LDAH: variants seen among roughly 807,000 people sequenced by gnomAD.
LDAH encodes lipid droplet-associated hydrolase.
Under a neutral mutation model 29.6 loss-of-function variants are expected in LDAH, and 26 were observed. The ratio of observed to expected loss-of-function variants is 0.88; its 90% CI spans 0.64 to 1.22. The LOEUF (loss-of-function observed/expected upper bound fraction) is 1.22, where lower values mean the gene tolerates loss of function less well. Among genes scored for constraint, LDAH ranks in the 50% most tolerant of loss-of-function variants. The pLI, the probability that LDAH is intolerant of heterozygous loss-of-function variation, is 0.00. For missense variants in LDAH, 344 were observed against 387.3 expected, an observed-to-expected ratio of 0.89 and a Z score of 0.94; for synonymous variants, 117 against 133.0, an observed-to-expected ratio of 0.88 and a Z score of 0.83.
At chr2:20,687,372 G>C (rs1172194055) in intron 6 of LDAH, among the ~76,000 whole-genome samples, 1 of 152,234 alleles carries the variant, frequency 6.6e-6, no homozygotes, top group Admixed American at 6.5e-5. Context: ...GGAAAGTTTT[G>C]TGTACTAAGG....
intron 2 of LDAH, among the ~76,000 whole-genome samples, chr2:20,794,350 C>A (rs1350800836): frequency 6.6e-6 from 1 of 152,082 alleles, no homozygotes; most frequent in Admixed American, 6.6e-5. Context: ...GGGGACACAG[C>A]CAAACCATAT....
At chr2:20,767,886 A>G (rs1194312353) in intron 4 of LDAH, among the ~76,000 whole-genome samples, 5 of 152,154 alleles carry the variant, frequency 3.3e-5, no homozygotes, top group Non-Finnish European at 7.4e-5. Flanking sequence ...CAAGAGATCC[A>G]GACAAAGGGA....
At chr2:20,725,686 T>C (rs1665966393) in intron 5 of LDAH, among the ~76,000 whole-genome samples, 1 of 152,246 alleles carries the variant, frequency 6.6e-6, no homozygotes, top group African/African-American at 2.4e-5. Flanking sequence ...ATGGCTTTTC[T>C]CTATTCCTCA....
At chr2:20,821,431 C>T (rs533472803) in intron 1 of LDAH, among the ~76,000 whole-genome samples, 1 of 152,282 alleles carries the variant, frequency 6.6e-6, no homozygotes, top group Admixed American at 6.5e-5. Flanking sequence ...GGATACTATG[C>T]AGCCATAAAA....
At chr2:20,683,108 T>C (rs1428607148), downstream of LDAH, among the ~76,000 whole-genome samples, 1 of 152,174 alleles carries the variant, frequency 6.6e-6, no homozygotes, top group Non-Finnish European at 1.5e-5. Context: ...TTGACCCTCG[T>C]TCGTGCTCTG....
chr2:20,819,201 G>C (rs931691302), intron 1 of LDAH, among the ~76,000 whole-genome samples: 1 of 147,120 alleles, frequency 6.8e-6, no homozygotes, highest in Non-Finnish European at 1.5e-5. Flanking sequence ...AAACTTTCTT[G>C]TAATTACACA....
chr2:20,740,277 T>C (rs1042542319), intron 4 of LDAH, 72 bp from the exon 5 acceptor site: 1 of 993,430 alleles, frequency 1.0e-6, no homozygotes, highest in Non-Finnish European at 1.6e-6. Flanking sequence ...GTCTCTTCTA[T>C]ATAGTAATGA....
At chr2:20,731,245 G>C (rs1056731884) in intron 5 of LDAH, among the ~76,000 whole-genome samples, 1 of 152,126 alleles carries the variant, frequency 6.6e-6, no homozygotes, top group African/African-American at 2.4e-5. Context: ...TGAATCATGG[G>C]GATGGTTTCT....
intron 3 of LDAH, among the ~76,000 whole-genome samples, chr2:20,778,319 T>A (rs1390466656): frequency 6.6e-6 from 1 of 152,156 alleles, no homozygotes; most frequent in African/African-American, 2.4e-5. Flanking sequence ...AGAGTTTATT[T>A]CAAAAGGTAC....
intron 5 of LDAH, among the ~76,000 whole-genome samples, chr2:20,708,633 A>C (rs1388743700): frequency 6.6e-6 from 1 of 152,244 alleles, no homozygotes; most frequent in Non-Finnish European, 1.5e-5. Flanking sequence ...ATACATGTGC[A>C]AAAGAAGGAA....
chr2:20,777,477 T>C (rs1241779341), intron 3 of LDAH, among the ~76,000 whole-genome samples: 1 of 152,180 alleles, frequency 6.6e-6, no homozygotes, highest in East Asian at 1.9e-4. Flanking sequence ...CAGGCTGGAA[T>C]GCAGTAGCAC....
Position 20,802,000 on chromosome 2 carries a change from A to G in LDAH, c.-2-535T>C, listed in dbSNP as rs144204160. 9.1e-3 allele frequency among the ~76,000 whole-genome samples: 1,375 copies of G among 151,276 alleles called. 22 individuals carry two copies. Among genetic ancestry groups the G allele is most frequent in the African/African-American group, 0.029 (1,199 of 41,080 alleles). ...TGTATGTATGAATATGTGTGTATAT[A>G]TATGTATATATACATATACATACAT... On this transcript the variant is annotated intron_variant, in intron 1 of 6. Coordinates refer to ENST00000237822, the MANE Select transcript of LDAH (RefSeq NM_021925.4).
intron 3 of LDAH, among the ~76,000 whole-genome samples, chr2:20,775,909 C>T (rs1437059027): frequency 1.3e-5 from 2 of 152,162 alleles, no homozygotes; most frequent in African/African-American, 2.4e-5. Flanking sequence ...TGTCCTGTGA[C>T]TAGTACACAG....
intron 5 of LDAH, among the ~76,000 whole-genome samples, chr2:20,733,397 ATTT>A (rs34191708): frequency 8.9e-6 from 1 of 111,900 alleles, no homozygotes; most frequent in Non-Finnish European, 1.8e-5. Context: ...ATGCCTGGCT[ATTT>A]TTTTTTTTTT....
intron 4 of LDAH, among the ~76,000 whole-genome samples, chr2:20,768,025 C>T (rs2124989720): frequency 6.6e-6 from 1 of 152,264 alleles, no homozygotes; most frequent in East Asian, 1.9e-4. Flanking sequence ...GACACCCTGG[C>T]TACACAGAGG....
intron 2 of LDAH, among the ~76,000 whole-genome samples, chr2:20,796,537 G>C (rs2125091678): frequency 6.6e-6 from 1 of 152,232 alleles, no homozygotes; most frequent in East Asian, 1.9e-4. Context: ...AATCCAGTTG[G>C]ACTGACTGAG....
chr2:20,736,696 A>G (rs1254254763), intron 5 of LDAH, among the ~76,000 whole-genome samples: 5 of 152,144 alleles, frequency 3.3e-5, no homozygotes, highest in African/African-American at 1.2e-4. Context: ...TCTCTGTACC[A>G]TGAAGGATGA....
intron 4 of LDAH, among the ~76,000 whole-genome samples, chr2:20,756,057 A>G (rs1213261810): frequency 6.6e-6 from 1 of 150,966 alleles, no homozygotes; most frequent in African/African-American, 2.4e-5. Flanking sequence ...TTTGAGACGG[A>G]GTCTCACTCT....
At chr2:20,688,568 A>C (rs1383365996) in intron 6 of LDAH, among the ~76,000 whole-genome samples, 1 of 152,194 alleles carries the variant, frequency 6.6e-6, no homozygotes, top group African/African-American at 2.4e-5. Flanking sequence ...AGGAGAGTGC[A>C]GGGAAGCAGG....
Sources: allele counts gnomAD v4.1 joint callset (sites outside exome capture counted in the v4.1 genomes callset), GRCh38; gene constraint gnomAD v4.1.1; transcripts MANE v1.5; gene names NCBI Gene and HGNC (gene_info 2026-07-23, HGNC 2026-07-21).